The following TUBB3 variants were observed in gnomAD, a reference collection of about 807,000 sequenced individuals.
The protein encoded by TUBB3 is tubulin beta 3 class III, also known as tubulin beta-3 chain.
A neutral mutation model predicts 37.8 loss-of-function variants in TUBB3; 17 were observed. The observed-to-expected ratio is 0.45, with a 90% CI of 0.31 to 0.67. TUBB3 has a LOEUF of 0.67. TUBB3 is among the 30% of genes least tolerant of loss of function. The pLI is 0.07. For missense variants in TUBB3, 262 were observed against 657.9 expected (o/e 0.40, Z 6.58); for synonymous variants, 332 against 278.9 (o/e 1.19, Z -1.90).
intron 3 of TUBB3, chr16:89,934,402 T>C (rs1187694888): frequency 1.9e-6 from 1 of 531,844 alleles, no homozygotes; most frequent in East Asian, 4.7e-5. Context: ...CTGTTTGGGC[T>C]CCTGGCACTG....
rs187353600 is a variant in TUBB3 at position 89,925,579 on chromosome 16, G to A, written c.57+2121G>A. On this transcript the variant is annotated intron_variant, in intron 1 of 3. Coordinates refer to ENST00000315491, the MANE Select transcript of TUBB3 (RefSeq NM_006086.4). Reference sequence around the variant, plus strand: ...CCACTGTACTCCAGACTAGGCGATAGAGTGAGATCCTGTCTCACAGTAATA... The same window carrying A: ...CCACTGTACTCCAGACTAGGCGATAAAGTGAGATCCTGTCTCACAGTAATA... 2.9e-3 allele frequency among the ~76,000 whole-genome samples: 439 copies of A among 152,276 alleles called. 4 individuals carry two copies. In the Middle Eastern group the frequency reaches 0.058, roughly 20 times the overall value.
intron 1 of TUBB3, among the ~76,000 whole-genome samples, chr16:89,924,097 G>T (rs971899059): frequency 6.6e-6 from 1 of 152,246 alleles, no homozygotes; most frequent in African/African-American, 2.4e-5. Flanking sequence ...GGGCTTGACC[G>T]CGCCCACCCA....
intron 3 of TUBB3, chr16:89,934,194 G>C (rs2030373254): frequency 2.8e-6 from 1 of 351,444 alleles, no homozygotes; most frequent in Admixed American, 3.6e-5. Context: ...CGGGGCCGTG[G>C]ATGCCACGTT....
chr16:89,923,596 G>A, intron 1 of TUBB3, 138 bp downstream of exon 1: 1 of 851,768 alleles, frequency 1.2e-6, no homozygotes, highest in Non-Finnish European at 1.5e-6. Flanking sequence ...GCGCCGGGCG[G>A]CCGGGACGCG....
chr16:89,923,338 G>T (rs942213024), upstream of TUBB3: 39 of 1,381,532 alleles, frequency 2.8e-5, no homozygotes, highest in South Asian at 3.4e-4. Flanking sequence ...CGCGGTCCCC[G>T]ACCCTCAGCA....
chr16:89,936,093 C>T lies in TUBB3; in HGVS notation c.*289C>T. 1 of 519,622 alleles carries T rather than the reference C, an allele frequency of 1.9e-6. No individual in the cohort carries two copies. The highest frequency in any genetic ancestry group is 2.2e-5 in the South Asian group (1 of 44,830). 32.2% of individuals were successfully genotyped at this position (519,622 alleles called of 1,614,324 possible). On this transcript the variant is annotated 3_prime_UTR_variant, in exon 4 of 4. Coordinates refer to ENST00000315491, the MANE Select transcript of TUBB3 (RefSeq NM_006086.4). ...TTAATAAATCTATTGCTGTCAGATA[C>T]CCTTGCTTGGTGCCAGAGATGTCCT...
chr16:89,934,621 A>G lies in TUBB3; in HGVS notation c.278-108A>G, dbSNP rs561349055. The G allele has an allele frequency of 6.3e-6, 7 of 1,110,800 alleles. No homozygotes were observed. The East Asian group carries it at 1.5e-4, about 24-fold the overall frequency. The allele number at this position is 1,110,800 out of a possible 1,614,324, so 68.8% of individuals were successfully genotyped here. On this transcript the variant is annotated intron_variant, in intron 3 of 3. Transcript: ENST00000315491. ...TGGGGCCTACTTTACAGAAGACAGA[A>G]CAGGCATGGGGCTGCCACGGCTGCC...
At position 89,923,382 on chromosome 16, in the gene TUBB3, G is replaced by A. The variant is rs1301357223; in HGVS notation, c.-20G>A. On this transcript the variant is annotated 5_prime_UTR_variant, in exon 1 of 4. Coordinates refer to ENST00000315491, the MANE Select transcript of TUBB3 (RefSeq NM_006086.4). ...GGCCCGCCCGCGCCCGTCCGCAGCC[G>A]CCCGCCAGACGCGCCCAGTATGAGG... The A allele has an allele frequency of 2.7e-6, 4 of 1,462,404 alleles. No homozygotes were observed. Among genetic ancestry groups the A allele is most frequent in the Non-Finnish European group, 2.7e-6 (3 of 1,103,594 alleles). The allele number at this position is 1,462,404 out of a possible 1,614,324, so 90.6% of individuals were successfully genotyped here. A position where few individuals can be genotyped will look rare whatever the true frequency, so the allele number is the denominator to read the frequency against.
In TUBB3 at chr16:89,934,807, T is replaced by C; in HGVS notation, c.356T>C (p.Val119Ala). The C allele has an allele frequency of 6.2e-7, 1 of 1,614,088 alleles. No individual in the cohort carries two copies. The highest frequency in any genetic ancestry group is 8.5e-7 in the Non-Finnish European group (1 of 1,179,988). ...GAELVDSVLD[V>A]VRKECENCDC... is the part of the protein sequence containing the mutation. The stretch of plus-strand genomic sequence containing the variant: ...GAGCTGGTGGATTCGGTCCTGGATG[T>C]GGTGCGGAAGGAGTGTGAAAACTGC... The change falls in exon 4 of 4, where the codon GTG (valine) becomes GCG (alanine). Residue 119 changes from valine to alanine, a missense_variant. This residue lies in a region of TUBB3 where 165 missense variants were observed against 556.8 expected (regional missense o/e 0.30). Transcript: ENST00000315491.
intron 1 of TUBB3, 86 bp from the exon 2 acceptor site, chr16:89,932,485 G>T (rs893820511): frequency 5.3e-6 from 6 of 1,135,766 alleles, no homozygotes; most frequent in Non-Finnish European, 8.0e-6. Context: ...TAATTTTGTA[G>T]TGAGGGCTAA....
At chr16:89,924,552 A>G (rs1178123562) in intron 1 of TUBB3, among the ~76,000 whole-genome samples, 6 of 152,022 alleles carry the variant, frequency 3.9e-5, no homozygotes, top group Admixed American at 2.0e-4. Context: ...GAGGGGGTGC[A>G]GGAGACGGTC....
intron 1 of TUBB3, among the ~76,000 whole-genome samples, chr16:89,928,897 C>CAG (rs1250529455): frequency 1.3e-5 from 2 of 151,556 alleles, no homozygotes; most frequent in Non-Finnish European, 2.9e-5. Context: ...CTACTGACCT[C>CAG]GTGATCCACC....
At chr16:89,931,254 G>A (rs1175159986) in intron 1 of TUBB3, among the ~76,000 whole-genome samples, 3 of 152,294 alleles carry the variant, frequency 2.0e-5, no homozygotes, top group Admixed American at 1.3e-4. Context: ...CACTGTGCCC[G>A]GCCCCACCAA....
In TUBB3 at chr16:89,923,385, C is replaced by T. The variant is rs1408376675; in HGVS notation, c.-17C>T. ...CCGCCCGCGCCCGTCCGCAGCCGCC[C>T]GCCAGACGCGCCCAGTATGAGGGAG... On this transcript the variant is annotated 5_prime_UTR_variant, in exon 1 of 4. Transcript: ENST00000315491. The T allele has an allele frequency of 1.4e-6, 2 of 1,469,844 alleles. No individual in the cohort carries two copies. Among genetic ancestry groups the T allele is most frequent in the Admixed American group, 2.3e-5 (1 of 44,310 alleles). The allele number at this position is 1,469,844 out of a possible 1,614,324, so 91.1% of individuals were successfully genotyped here.
intron 1 of TUBB3, chr16:89,932,178 C>T (rs1173900665): frequency 5.9e-6 from 2 of 336,444 alleles, no homozygotes; most frequent in Admixed American, 4.2e-5. Flanking sequence ...TCTCTACCCG[C>T]TCTGTGTCTC....
At chr16:89,932,094 G>A in intron 1 of TUBB3, 1 of 296,894 alleles carries the variant, frequency 3.4e-6, no homozygotes, top group Non-Finnish European at 6.7e-6. Flanking sequence ...CTCCCATGGA[G>A]GGGCAGGTGT....
rs369454228 is a variant in TUBB3, at chr16:89,935,787, G to A, written c.1336G>A (p.Ala446Thr). 284 of 1,613,274 alleles carry A rather than the reference G, an allele frequency of 1.8e-4. 1 individual carries two copies. In the South Asian group the frequency reaches 3.0e-3, roughly 17 times the overall value. Reference sequence around the variant, plus strand: ...CGAAGACGACGAGGAGGAGTCGGAGGCCCAGGGCCCCAAGTGAAGCTGCTC... The same window carrying A: ...CGAAGACGACGAGGAGGAGTCGGAGACCCAGGGCCCCAAGTGAAGCTGCTC... ...MYEDDEEESE[A>T]QGPK The change falls in exon 4 of 4, where the codon GCC becomes ACC. Residue 446 changes from alanine (A) to threonine (T), a missense_variant. Around this residue, in one of 3 missense-constraint regions of TUBB3, gnomAD observed 39 missense variants for 26.9 expected, o/e 1.45. Transcript: ENST00000315491.
intron 1 of TUBB3, among the ~76,000 whole-genome samples, chr16:89,930,822 G>A (rs1244208124): frequency 6.6e-6 from 1 of 150,808 alleles, no homozygotes; most frequent in Admixed American, 6.6e-5. Flanking sequence ...ACCCCTTTAC[G>A]AGAGGCATCT....
At chr16:89,923,013 C>A (rs780966763), upstream of TUBB3, among the ~76,000 whole-genome samples, 1 of 152,228 alleles carries the variant, frequency 6.6e-6, no homozygotes, top group African/African-American at 2.4e-5. Context: ...AGGGCGGAAC[C>A]GAGAGGGTAG....
Sources: allele counts gnomAD v4.1 joint callset (sites outside exome capture counted in the v4.1 genomes callset), GRCh38; gene constraint gnomAD v4.1.1; regional missense constraint gnomAD v4.1.1; transcripts MANE v1.5; gene names NCBI Gene and HGNC (gene_info 2026-07-23, HGNC 2026-07-21).